CHSY1: variants seen among roughly 807,000 people sequenced by gnomAD.
CHSY1 encodes the protein N-acetylgalactosaminyl-proteoglycan 3-beta-glucuronosyltransferase 1.
A neutral mutation model predicts 59.8 loss-of-function variants in CHSY1; 13 were observed. The observed-to-expected ratio is 0.22, with a 90% CI of 0.14 to 0.35. CHSY1 has a LOEUF of 0.35. Ranked by LOEUF, CHSY1 falls within the 10% of genes least tolerant of loss-of-function variation. The probability of loss-of-function intolerance (pLI) is 1.00; values close to 1 mark genes in which losing one functional copy is unlikely to be tolerated. For missense variants in CHSY1, 947 were observed against 1,030.6 expected (o/e 0.92, Z 1.11); for synonymous variants, 459 against 401.2 (o/e 1.14, Z -1.72).
chr15:101,223,912 G>A (rs907965649), intron 2 of CHSY1, among the ~76,000 whole-genome samples: 1 of 152,264 alleles, frequency 6.6e-6, no homozygotes, highest in Admixed American at 6.5e-5. Context: ...CCCCTGTAAC[G>A]ATGTCTCAGT....
At chr15:101,204,231 C>T (rs112884435) in intron 2 of CHSY1, among the ~76,000 whole-genome samples, 3,329 of 152,046 alleles carry the variant, frequency 0.022, 49 homozygotes, top group East Asian at 0.074. Flanking sequence ...GTCAGGAGTT[C>T]GAGACTAGCC....
intron 2 of CHSY1, among the ~76,000 whole-genome samples, chr15:101,196,881 A>T (rs1044842388): frequency 3.9e-5 from 6 of 152,196 alleles, no homozygotes; most frequent in Non-Finnish European, 5.9e-5. Flanking sequence ...AAATAATTTT[A>T]AAAAAACCCT....
intron 2 of CHSY1, among the ~76,000 whole-genome samples, chr15:101,227,340 A>C (rs2038850299): frequency 6.6e-6 from 1 of 152,076 alleles, no homozygotes; most frequent in Non-Finnish European, 1.5e-5. Flanking sequence ...TCTTTATTTG[A>C]CCTGACTCAG....
intron 2 of CHSY1, among the ~76,000 whole-genome samples, chr15:101,206,074 AG>A (rs2038623995): frequency 6.6e-6 from 1 of 152,340 alleles, no homozygotes; most frequent in Admixed American, 6.5e-5. Flanking sequence ...GCAGGATTCC[AG>A]GACATTTGAT....
chr15:101,242,355 C>G (rs1167062729), intron 1 of CHSY1, among the ~76,000 whole-genome samples: 1 of 152,246 alleles, frequency 6.6e-6, no homozygotes, highest in Admixed American at 6.5e-5. Context: ...GCAAAGTGCT[C>G]TTGTGCTGAG....
At chr15:101,200,599 C>T (rs975709410) in intron 2 of CHSY1, among the ~76,000 whole-genome samples, 4 of 152,320 alleles carry the variant, frequency 2.6e-5, no homozygotes, top group African/African-American at 9.6e-5. Context: ...CCTGCACCCC[C>T]AGATGGGTCA....
chr15:101,239,603 CAA>C (rs2038981874), intron 1 of CHSY1, among the ~76,000 whole-genome samples: 1 of 152,178 alleles, frequency 6.6e-6, no homozygotes, highest in South Asian at 2.1e-4. Flanking sequence ...TTAAGGAAGA[CAA>C]GAGTTTGCAA....
intron 2 of CHSY1, among the ~76,000 whole-genome samples, chr15:101,194,490 G>A (rs1596435033): frequency 2.0e-5 from 3 of 152,132 alleles, no homozygotes; most frequent in East Asian, 1.9e-4. Context: ...TCAGAATTAC[G>A]TAGCCACAAC....
At chr15:101,244,059 T>A (rs2039028295) in intron 1 of CHSY1, among the ~76,000 whole-genome samples, 2 of 152,142 alleles carry the variant, frequency 1.3e-5, no homozygotes, top group Non-Finnish European at 1.5e-5. Flanking sequence ...ATCCAGAAAA[T>A]GTATTTGTCT....
At chr15:101,231,528 AT>A (rs1369285497) in intron 2 of CHSY1, among the ~76,000 whole-genome samples, 3 of 152,190 alleles carry the variant, frequency 2.0e-5, no homozygotes, top group African/African-American at 7.2e-5. Flanking sequence ...AACAATTAAT[AT>A]TTTAAAGCTG....
In CHSY1 at chr15:101,251,087, C is replaced by A. The variant is rs763767045; in HGVS notation, c.320+50G>T. ...GCCAGGAGAGCACCCGGGATGCCGG[C>A]CGCCGGGATGCCGGACGCAGGAGGC... On this transcript the variant is annotated intron_variant, in intron 1 of 2. Transcript: ENST00000254190. 2.0e-6 allele frequency: 3 copies of A among 1,511,690 alleles called. No individual in the cohort carries two copies. In the South Asian group the frequency reaches 3.6e-5, roughly 18 times the overall value. The allele number at this position is 1,511,690 out of a possible 1,614,324, so 93.6% of individuals were successfully genotyped here.
rs2039106485 is a variant in CHSY1, at chr15:101,251,178, G to C, written c.279C>G (p.Thr93=). ...CCCGAGTCTGCAGGTATTTCTGGGC[G>C]GTCATGACTCCCACGAAGAGAAAGT... The part of the protein sequence containing the change: ...DRNFLFVGVM[T]AQKYLQTRAV... The change falls in exon 1 of 3, where the codon ACC becomes ACG. Residue 93 remains threonine, a synonymous_variant. Transcript: ENST00000254190. 6.3e-7 allele frequency: 1 copy of C among 1,599,882 alleles called. No homozygotes were observed. Among genetic ancestry groups the C allele is most frequent in the African/African-American group, 1.3e-5 (1 of 74,634 alleles).
chr15:101,184,684 A>G (rs2038330373), intron 2 of CHSY1, among the ~76,000 whole-genome samples: 1 of 152,070 alleles, frequency 6.6e-6, no homozygotes, highest in Non-Finnish European at 1.5e-5. Flanking sequence ...AATCTGTTGT[A>G]AGATAAAAAG....
rs2038768106 is a variant in CHSY1 at position 101,219,511 on chromosome 15, A to G, written c.816+15571T>C. Among the ~76,000 whole-genome samples the G allele has an allele frequency of 1.2e-4, 19 of 152,224 alleles. No individual in the cohort carries two copies. The South Asian group carries it at 3.9e-3, about 31-fold the overall frequency. On this transcript the variant is annotated intron_variant, in intron 2 of 2. Transcript: ENST00000254190. ...ACAAATCATACATTTTTAAATCAAC[A>G]CAAGCAAACGTCAAATTTCATGGTA...
chr15:101,234,980 C>T (rs2038926631), intron 2 of CHSY1, 102 bp downstream of exon 2: 1 of 1,466,128 alleles, frequency 6.8e-7, no homozygotes, highest in Non-Finnish European at 9.4e-7. Context: ...CAACTTCAAC[C>T]CTCAAAGAGG....
intron 2 of CHSY1, 43 bp downstream of exon 2, chr15:101,235,039 G>A (rs201433733): frequency 5.2e-4 from 833 of 1,606,698 alleles, no homozygotes; most frequent in Non-Finnish European, 6.4e-4. Context: ...TGACAAAATT[G>A]ACAAAATTAA....
At chr15:101,182,671 C>T (rs1045188829) in intron 2 of CHSY1, among the ~76,000 whole-genome samples, 6 of 152,178 alleles carry the variant, frequency 3.9e-5, no homozygotes, top group African/African-American at 1.4e-4. Context: ...CACTCCCCAC[C>T]CCAAGCAGGA....
intron 2 of CHSY1, among the ~76,000 whole-genome samples, chr15:101,229,025 G>A (rs1437692541): frequency 1.3e-5 from 2 of 152,114 alleles, no homozygotes; most frequent in Non-Finnish European, 2.9e-5. Flanking sequence ...TATTAAGTTG[G>A]TATTCATCAG....
chr15:101,179,679 G>C (rs1208050232), intron 2 of CHSY1, among the ~76,000 whole-genome samples: 1 of 152,218 alleles, frequency 6.6e-6, no homozygotes. Context: ...TGCTCAGCAC[G>C]GGGTCTCCGG....
Sources: gnomAD v4.1 joint callset for allele counts (sites outside exome capture counted in the v4.1 genomes callset) on GRCh38, gnomAD v4.1.1 for gene constraint, MANE v1.5 for transcripts, NCBI Gene and HGNC (gene_info 2026-07-23, HGNC 2026-07-21) for gene names.